SPSB3: variants seen among roughly 807,000 people sequenced by gnomAD.
SPSB3 encodes SPRY domain-containing SOCS box protein 3.
In SPSB3, 18 loss-of-function variants were observed where a neutral mutation model predicts 29.5. The observed-to-expected ratio is 0.61, with a 90% CI of 0.42 to 0.91. SPSB3 has a LOEUF of 0.91. Ranked by LOEUF, SPSB3 falls within the 40% of genes least tolerant of loss-of-function variation. SPSB3 has a pLI of 0.00. For missense variants in SPSB3, 540 were observed against 507.5 expected, an observed-to-expected ratio of 1.06 and a Z score of -0.61; for synonymous variants, 299 against 214.1, an observed-to-expected ratio of 1.40 and a Z score of -3.46.
chr16:1,778,221 T>C lies in SPSB3; in HGVS notation c.405A>G (p.Thr135=). 10 of 1,612,986 alleles carry C rather than the reference T, an allele frequency of 6.2e-6. No homozygotes were observed. The highest frequency in any genetic ancestry group is 8.5e-6 in the Non-Finnish European group (10 of 1,179,968). ...GCTCCTTGGTGCCCCGGATGGCCGC[T>C]GTGCCGCAGCTGTACTCCATGTGGA... ...VSFHMEYSCG[T]AAIRGTKELG... is the part of the protein sequence containing the mutation. The change falls in exon 4 of 7, where the codon ACA becomes ACG. Residue 135 remains threonine (T), a synonymous_variant. Coordinates refer to ENST00000566339, the MANE Select transcript of SPSB3 (RefSeq NM_080861.4).
intron 2 of SPSB3, chr16:1,781,016 A>C (rs1896687330): frequency 1.9e-6 from 1 of 530,176 alleles, no homozygotes; most frequent in Admixed American, 3.4e-5. Context: ...TATAGGTGTG[A>C]GCCACAGTGC....
At chr16:1,780,646 G>A (rs1181200326) in intron 2 of SPSB3, 1 of 160,526 alleles carries the variant, frequency 6.2e-6, no homozygotes, top group Non-Finnish European at 1.4e-5. Flanking sequence ...GTATGCGTTT[G>A]TACTGGCAGA....
intron 1 of SPSB3, chr16:1,781,985 C>G (rs1286793427): frequency 5.4e-6 from 1 of 184,264 alleles, no homozygotes; most frequent in African/African-American, 2.4e-5. Context: ...TCGCCTTCCC[C>G]TCCGCTCGCT....
At chr16:1,781,706 A>T in intron 1 of SPSB3, 1 of 576,968 alleles carries the variant, frequency 1.7e-6, no homozygotes, top group Non-Finnish European at 3.1e-6. Context: ...AACGCCACCC[A>T]GACACCCATG....
intron 2 of SPSB3, chr16:1,781,022 A>G: frequency 1.8e-6 from 1 of 570,916 alleles, no homozygotes; most frequent in Non-Finnish European, 2.8e-6. Context: ...TGTGAGCCAC[A>G]GTGCCCAGCC....
At chr16:1,781,573 C>T in intron 1 of SPSB3, 78 bp from the exon 2 acceptor site, 1 of 1,512,538 alleles carries the variant, frequency 6.6e-7, no homozygotes, top group Non-Finnish European at 8.9e-7. Context: ...GGGCCACGGA[C>T]CCACTCAAAG....
At chr16:1,777,905 A>AGG (rs1397245139) in intron 5 of SPSB3, 33 bp from the exon 6 acceptor site, 5 of 1,611,744 alleles carry the variant, frequency 3.1e-6, no homozygotes, top group Non-Finnish European at 4.2e-6. Flanking sequence ...TGAGCCCGGG[A>AGG]GCTCCAGGCT....
intron 6 of SPSB3, 133 bp downstream of exon 6, chr16:1,777,614 C>A (rs1019934145): frequency 3.4e-6 from 5 of 1,465,174 alleles, no homozygotes; most frequent in Non-Finnish European, 3.7e-6. Flanking sequence ...TGTCCCACCC[C>A]CTGGGACCCT....
At chr16:1,781,561 C>T in intron 1 of SPSB3, 66 bp from the exon 2 acceptor site, 1 of 1,548,634 alleles carries the variant, frequency 6.5e-7, no homozygotes, top group Non-Finnish European at 8.7e-7. Flanking sequence ...AGCTTCCAGG[C>T]TGGGCCACGG....
chr16:1,779,981 C>G (rs1167112248), intron 2 of SPSB3: 1 of 152,260 alleles, frequency 6.6e-6, no homozygotes, highest in Non-Finnish European at 1.5e-5. Context: ...AATTTGCCCC[C>G]AAGGCCTAAT....
chr16:1,777,327 G>T lies in SPSB3; in HGVS notation c.838C>A (p.Leu280Met). Reference sequence around the variant, plus strand: ...AGCTGGCGCAGGCGGTGGCAGCACAGGTACTGGAGGGAAGTGGCGCTGGCA... The same window carrying T: ...AGCTGGCGCAGGCGGTGGCAGCACATGTACTGGAGGGAAGTGGCGCTGGCA... ...SCASATSLQYLCCHRLRQLRP... is the reference protein window; with the variant it reads ...SCASATSLQYMCCHRLRQLRP... The change falls in exon 7 of 7, where the codon CTG (leucine) becomes ATG (methionine). Residue 280 changes from leucine to methionine, a missense_variant. Leu to Met is a conservative substitution (Grantham distance 15). Coordinates refer to ENST00000566339, the MANE Select transcript of SPSB3 (RefSeq NM_080861.4). The T allele has an allele frequency of 6.2e-7, 1 of 1,609,060 alleles. No homozygotes were observed.
intron 3 of SPSB3, 32 bp downstream of exon 3, chr16:1,778,403 C>G (rs762830227): frequency 1.9e-6 from 3 of 1,605,628 alleles, no homozygotes; most frequent in African/African-American, 2.7e-5. Flanking sequence ...GCCCGCAGTG[C>G]AGTCCCAGCA....
At chr16:1,779,793 T>G (rs1896654349) in intron 2 of SPSB3, 1 of 152,160 alleles carries the variant, frequency 6.6e-6, no homozygotes, top group African/African-American at 2.4e-5. Flanking sequence ...TGTCGAACAC[T>G]GCCGAGCCCG....
In SPSB3 at chr16:1,777,382, G is replaced by C. The variant is rs758311181; in HGVS notation, c.783C>G (p.Ala261=). The change falls in exon 7 of 7, where the codon GCC becomes GCG. Residue 261 remains alanine (A), a synonymous_variant. Coordinates refer to ENST00000566339, the MANE Select transcript of SPSB3 (RefSeq NM_080861.4). ...RFYPMVCSTA[A]RSSMKVTRSC... is the part of the protein sequence containing the mutation. ...AGCGGGTGACCTTCATGCTGCTCCGGGCCGCCGTGGAGCACACCATCGGGT... is the reference window on the plus strand; with the variant it reads ...AGCGGGTGACCTTCATGCTGCTCCGCGCCGCCGTGGAGCACACCATCGGGT... The C allele has an allele frequency of 1.3e-6, 2 of 1,597,216 alleles. No homozygotes were observed. Among genetic ancestry groups the C allele is most frequent in the South Asian group, 1.1e-5 (1 of 90,364 alleles).
intron 2 of SPSB3, chr16:1,779,176 AC>A (rs2042757774): frequency 6.6e-6 from 1 of 152,516 alleles, no homozygotes; most frequent in South Asian, 2.1e-4. Flanking sequence ...CAGCCCCTTC[AC>A]CCCTGTTCCA....
In SPSB3 at chr16:1,777,398, A is replaced by G; in HGVS notation, c.767T>C (p.Val256Ala). ...GCTGCTCCGGGCCGCCGTGGAGCAC[A>G]CCATCGGGTAGAATCTCTTGTTCTG... ...KLQNKRFYPM[V>A]CSTAARSSMK... Residue 256 changes from valine to alanine, a missense_variant, in exon 7 of 7, where the codon GTG becomes GCG. Transcript: ENST00000566339. 1 of 1,579,724 alleles carries G rather than the reference A, an allele frequency of 6.3e-7. No homozygotes were observed. The highest frequency in any genetic ancestry group is 8.6e-7 in the Non-Finnish European group (1 of 1,165,736).
intron 1 of SPSB3, chr16:1,782,257 C>G (rs1896747611): frequency 6.6e-6 from 1 of 151,940 alleles, no homozygotes; most frequent in South Asian, 2.1e-4. Context: ...GACCGCCGAA[C>G]CCTGCCCAGC....
Position 1,777,028 on chromosome 16 carries a change from G to C in SPSB3, c.*69C>G. The C allele has an allele frequency of 1.3e-6, 2 of 1,526,592 alleles. No homozygotes were observed. Among genetic ancestry groups the C allele is most frequent in the Non-Finnish European group, 1.8e-6 (2 of 1,125,730 alleles). The allele number at this position is 1,526,592 out of a possible 1,614,324, so 94.6% of individuals were successfully genotyped here. On this transcript the variant is annotated 3_prime_UTR_variant, in exon 7 of 7. Transcript: ENST00000566339. Reference sequence around the variant, plus strand: ...CCCTGGAGTGTGGCTGGAAGGAAGGGACAGAGAAAGAAGGGACAGAGGAAA... The same window carrying C: ...CCCTGGAGTGTGGCTGGAAGGAAGGCACAGAGAAAGAAGGGACAGAGGAAA...
At position 1,778,563 on chromosome 16, in the gene SPSB3, A is replaced by T. The variant is rs773187789; in HGVS notation, c.176T>A (p.Ile59Asn). ...DPEYSTLPPS[I>N]PSAVPVTGES... ...GCCGGTCACGGGCACCGCACTGGGG[A>T]TGGATGGCGGCAGCGTGGAGTACTC... The change falls in exon 3 of 7, where the codon ATC becomes AAC. Residue 59 changes from isoleucine to asparagine, a missense_variant. Transcript: ENST00000566339. 6.3e-7 allele frequency: 1 copy of T among 1,599,870 alleles called. No homozygotes were observed.
Sources: allele counts gnomAD v4.1 joint callset, GRCh38; gene constraint gnomAD v4.1.1; transcripts MANE v1.5; gene names NCBI Gene and HGNC (gene_info 2026-07-23, HGNC 2026-07-21).